Variants in MMP27 observed in about 807,000 individuals in gnomAD.
MMP27 encodes matrix metallopeptidase 27, also known as matrix metalloproteinase-27.
MMP27 carries 51 observed loss-of-function variants against 48.1 expected under a neutral mutation model. The observed-to-expected ratio is 1.06, with a 90% CI of 0.85 to 1.34. The LOEUF (loss-of-function observed/expected upper bound fraction) is 1.34. MMP27 is among the 40% of genes most tolerant of loss of function. MMP27 has a pLI of 0.00. For synonymous variants in MMP27, 229 were observed against 208.9 expected, an observed-to-expected ratio of 1.10 and a Z score of -0.83; for missense variants, 698 against 619.3, an observed-to-expected ratio of 1.13 and a Z score of -1.35.
Position 102,691,596 on chromosome 11 carries a change from G to T in MMP27, c.*170C>A. 1.8e-6 allele frequency: 1 copy of T among 541,676 alleles called. No individual in the cohort carries two copies. The highest frequency in any genetic ancestry group is 3.1e-6 in the Non-Finnish European group (1 of 321,526). The allele number at this position is 541,676 out of a possible 1,614,324, so 33.6% of individuals were successfully genotyped here. A position where few individuals can be genotyped will look rare whatever the true frequency, so the allele number is the denominator to read the frequency against. On this transcript the variant is annotated 3_prime_UTR_variant, in exon 10 of 10. Coordinates refer to ENST00000260229, the MANE Select transcript of MMP27 (RefSeq NM_022122.3). ...GCTTAAAGTACAGTCAGAGATTTTT[G>T]TTTCTACATAATAACTTCCTATTAA...
chr11:102,701,098 A>G (rs987046546), intron 4 of MMP27, among the ~76,000 whole-genome samples: 16 of 152,138 alleles, frequency 1.1e-4, no homozygotes, highest in African/African-American at 2.4e-5. Context: ...TTCCCCTTTA[A>G]TGTCAGTGAA....
Position 102,691,637 on chromosome 11 carries a change from C to A in MMP27, c.*129G>T. ...TTCCTATTAAAAGAATCAGGCAGCT[C>A]AAAATGGCCATTGAATTTGGATATT... On this transcript the variant is annotated 3_prime_UTR_variant, in exon 10 of 10. Coordinates refer to ENST00000260229, the MANE Select transcript of MMP27 (RefSeq NM_022122.3). 1 of 776,150 alleles carries A rather than the reference C, an allele frequency of 1.3e-6. No individual in the cohort carries two copies. Among genetic ancestry groups the A allele is most frequent in the Non-Finnish European group, 1.9e-6 (1 of 513,066 alleles). The allele number at this position is 776,150 out of a possible 1,614,324, so 48.1% of individuals were successfully genotyped here.
intron 9 of MMP27, 38 bp downstream of exon 9, chr11:102,692,900 C>T: frequency 1.3e-6 from 2 of 1,533,250 alleles, no homozygotes; most frequent in Non-Finnish European, 1.8e-6. Flanking sequence ...TCAACACAGT[C>T]TCTCAAGTAT....
At chr11:102,692,350 T>A (rs1226657381) in intron 9 of MMP27, among the ~76,000 whole-genome samples, 3 of 152,230 alleles carry the variant, frequency 2.0e-5, no homozygotes, top group Admixed American at 2.0e-4. Context: ...CTCTATATTC[T>A]CATTTTCTTA....
intron 9 of MMP27, among the ~76,000 whole-genome samples, chr11:102,692,501 G>A (rs546337864): frequency 6.6e-6 from 1 of 152,174 alleles, no homozygotes; most frequent in African/African-American, 2.4e-5. Context: ...TTGCTGGATT[G>A]TATTCATTAC....
intron 4 of MMP27, among the ~76,000 whole-genome samples, chr11:102,702,182 AT>A (rs1157966786): frequency 2.6e-5 from 4 of 152,280 alleles, no homozygotes; most frequent in Admixed American, 2.0e-4. Flanking sequence ...AATAAGTCAA[AT>A]ATAAGGATTA....
chr11:102,694,375 T>C (rs1440813647), intron 7 of MMP27, among the ~76,000 whole-genome samples: 1 of 152,208 alleles, frequency 6.6e-6, no homozygotes, highest in Non-Finnish European at 1.5e-5. Flanking sequence ...AAACATCACA[T>C]TGTACCCCAT....
At chr11:102,697,626 T>G (rs1019140751) in intron 4 of MMP27, among the ~76,000 whole-genome samples, 5 of 152,028 alleles carry the variant, frequency 3.3e-5, no homozygotes, top group African/African-American at 4.8e-5. Context: ...CTCAGCCTCC[T>G]GTGCAGCTGG....
rs761781905 is a variant in MMP27 at position 102,702,845 on chromosome 11, A to G, written c.527T>C (p.Leu176Ser). The G allele has an allele frequency of 1.7e-5, 28 of 1,613,926 alleles. No homozygotes were observed. The highest frequency in any genetic ancestry group is 2.0e-5 in the Non-Finnish European group (24 of 1,179,988). The stretch of plus-strand genomic sequence containing the variant: ...AGGAAAGGCATGGCCAAGCACTCCC[A>G]AGGGACCATCAAAATAGCGAGGACA... ...GRCPRYFDGP[L>S]GVLGHAFPPG... Residue 176 changes from leucine (L) to serine (S), a missense_variant, in exon 4 of 10, where the codon TTG becomes TCG. Leu to Ser is a moderately radical substitution (Grantham distance 145). Transcript: ENST00000260229.
chr11:102,698,916 T>C (rs1488268388), intron 4 of MMP27, among the ~76,000 whole-genome samples: 1 of 152,258 alleles, frequency 6.6e-6, no homozygotes, highest in Non-Finnish European at 1.5e-5. Flanking sequence ...GATTCTGTCA[T>C]AGCCCGTAAG....
rs368839880 is a variant in MMP27, at chr11:102,704,548, G to C, written c.330C>G (p.Asn110Lys). The change falls in exon 2 of 10, where the codon AAC (asparagine) becomes AAG (lysine). Residue 110 changes from asparagine to lysine, a missense_variant. Asn to Lys is a moderately conservative substitution (Grantham distance 94). Coordinates refer to ENST00000260229, the MANE Select transcript of MMP27 (RefSeq NM_022122.3). ...GGCAGAAGCATTACCTGTAGGTGAGGTTGTATTTTCTCCACCCAGGGAGGG... is the reference window on the plus strand; with the variant it reads ...GGCAGAAGCATTACCTGTAGGTGAGCTTGTATTTTCTCCACCCAGGGAGGG... ...GYTLPGWRKY[N>K]LTYRIINYTP... 48 of 1,611,916 alleles carry C rather than the reference G, an allele frequency of 3.0e-5. No individual in the cohort carries two copies. The highest frequency in any genetic ancestry group is 3.9e-5 in the Non-Finnish European group (46 of 1,178,254).
rs1257865585 is a variant in MMP27, at chr11:102,702,996, T to G, written c.464A>C (p.Asp155Ala). 1.2e-6 allele frequency: 2 copies of G among 1,613,998 alleles called. No individual in the cohort carries two copies. The highest frequency in any genetic ancestry group is 1.7e-6 in the Non-Finnish European group (2 of 1,180,008). Reference protein sequence around the residue: ...KFTKISKGIADIMIAFRTRVH... With the variant: ...KFTKISKGIAAIMIAFRTRVH... ...TCGAGTCCTAAAGGCAATCATGATGTCTGCAATCCCCTTTGAAATCTTGGT... is the reference window on the plus strand; with the variant it reads ...TCGAGTCCTAAAGGCAATCATGATGGCTGCAATCCCCTTTGAAATCTTGGT... The change falls in exon 3 of 10, where the codon GAC becomes GCC. Residue 155 changes from aspartate (D) to alanine (A), a missense_variant. By Grantham distance (126) the Asp-to-Ala change is moderately radical. Coordinates refer to ENST00000260229, the MANE Select transcript of MMP27 (RefSeq NM_022122.3).
intron 4 of MMP27, among the ~76,000 whole-genome samples, chr11:102,699,470 AAAAT>A (rs1481504428): frequency 2.6e-5 from 4 of 152,020 alleles, no homozygotes; most frequent in African/African-American, 7.3e-5. Flanking sequence ...CCGGTCTCAA[AAAAT>A]AAATAAATAA....
intron 6 of MMP27, among the ~76,000 whole-genome samples, 153 bp from the exon 7 acceptor site, chr11:102,695,250 T>C (rs1239126546): frequency 6.6e-6 from 1 of 152,200 alleles, no homozygotes; most frequent in Non-Finnish European, 1.5e-5. Context: ...TTTAGGTGAT[T>C]GTGAGTTCAG....
At chr11:102,702,668 T>C (rs1860963178) in intron 4 of MMP27, 85 bp downstream of exon 4, 1 of 1,467,886 alleles carries the variant, frequency 6.8e-7, no homozygotes, top group Admixed American at 2.3e-5. Context: ...AACTTTACAG[T>C]TAAAAAGCAG....
Position 102,695,024 on chromosome 11 carries a change from G to T in MMP27, c.976C>A (p.Pro326Thr). 2 of 1,613,960 alleles carry T rather than the reference G, an allele frequency of 1.2e-6. No individual in the cohort carries two copies. Among genetic ancestry groups the T allele is most frequent in the Non-Finnish European group, 1.7e-6 (2 of 1,179,948 alleles). The change falls in exon 7 of 10, where the codon CCA becomes ACA. Residue 326 changes from proline to threonine, a missense_variant. Pro to Thr is a conservative substitution (Grantham distance 38, BLOSUM62 -1). Coordinates refer to ENST00000260229, the MANE Select transcript of MMP27 (RefSeq NM_022122.3). ...TCGTATGCAGCTTGCAGATCAGCTG[G>T]CAGAGATGGCCAGAATGAAGCAATT... ...ELIASFWPSL[P>T]ADLQAAYENP...
intron 4 of MMP27, 95 bp downstream of exon 4, chr11:102,702,658 A>G (rs1860962789): frequency 1.4e-6 from 2 of 1,387,110 alleles, no homozygotes; most frequent in Admixed American, 4.6e-5. Flanking sequence ...GGACATTGGG[A>G]ACTTTACAGT....
chr11:102,696,294 A>T, intron 6 of MMP27, 77 bp downstream of exon 6: 1 of 1,502,692 alleles, frequency 6.7e-7, no homozygotes, highest in Non-Finnish European at 9.2e-7. Flanking sequence ...TAGCCCCATG[A>T]CTACCTCTTT....
intron 2 of MMP27, among the ~76,000 whole-genome samples, chr11:102,703,809 C>G (rs1164925375): frequency 6.6e-6 from 1 of 152,218 alleles, no homozygotes; most frequent in Non-Finnish European, 1.5e-5. Flanking sequence ...CAGGCATGAG[C>G]CACCACACCC....
Sources: allele counts gnomAD v4.1 joint callset (sites outside exome capture counted in the v4.1 genomes callset), GRCh38; gene constraint gnomAD v4.1.1; transcripts MANE v1.5; gene names NCBI Gene and HGNC (gene_info 2026-07-23, HGNC 2026-07-21).